ADAM12: variants seen among roughly 807,000 people sequenced by gnomAD.
The protein encoded by ADAM12 is ADAM metallopeptidase domain 12, also known as disintegrin and metalloproteinase domain-containing protein 12.
A neutral mutation model predicts 106.4 loss-of-function variants in ADAM12; 70 were observed. The observed-to-expected ratio is 0.66, with a 90% confidence interval of 0.54 to 0.80. The LOEUF (loss-of-function observed/expected upper bound fraction) is 0.80. ADAM12 is among the 30% of genes least tolerant of loss of function. The pLI is 0.00. For missense variants in ADAM12, 1,010 were observed against 1,171.9 expected, an observed-to-expected ratio of 0.86 and a Z score of 2.02; for synonymous variants, 420 against 433.5, an observed-to-expected ratio of 0.97 and a Z score of 0.39.
intron 3 of ADAM12, among the ~76,000 whole-genome samples, chr10:126,265,154 G>A (rs1251704161): frequency 1.3e-5 from 2 of 152,174 alleles, no homozygotes; most frequent in African/African-American, 2.4e-5. Flanking sequence ...AGGGGGCTGT[G>A]CAGCATATCA....
chr10:126,252,283 A>T (rs1173903107), intron 3 of ADAM12, among the ~76,000 whole-genome samples: 1 of 149,188 alleles, frequency 6.7e-6, no homozygotes, highest in Non-Finnish European at 1.5e-5. Flanking sequence ...AATGGATTAG[A>T]TAGATGGATG....
intron 3 of ADAM12, among the ~76,000 whole-genome samples, chr10:126,267,737 C>T (rs879720028): frequency 9.2e-5 from 14 of 151,424 alleles, no homozygotes; most frequent in Admixed American, 6.6e-5. Context: ...GGGGAGAGCA[C>T]GTCAGAGAAG....
At chr10:126,345,265 G>C (rs1855093699) in intron 1 of ADAM12, among the ~76,000 whole-genome samples, 1 of 152,158 alleles carries the variant, frequency 6.6e-6, no homozygotes, top group Admixed American at 6.5e-5. Flanking sequence ...GGCCTTTTCT[G>C]CATCTATTGA....
chr10:126,134,386 A>G (rs1203063892), intron 5 of ADAM12, among the ~76,000 whole-genome samples: 2 of 152,188 alleles, frequency 1.3e-5, no homozygotes, highest in Non-Finnish European at 2.9e-5. Flanking sequence ...AAAATAAACA[A>G]ATACACACCC....
intron 16 of ADAM12, among the ~76,000 whole-genome samples, chr10:126,047,588 A>G (rs542148372): frequency 6.6e-6 from 1 of 152,318 alleles, no homozygotes; most frequent in African/African-American, 2.4e-5. Context: ...TGTTCAGGCT[A>G]CAGTTTAAAA....
intron 19 of ADAM12, among the ~76,000 whole-genome samples, chr10:126,038,635 G>A (rs1954100465): frequency 6.6e-6 from 1 of 152,172 alleles, no homozygotes. Flanking sequence ...CAGCGATAAT[G>A]TCTTTGAATA....
At chr10:126,152,933 G>T (rs1956754666) in intron 4 of ADAM12, among the ~76,000 whole-genome samples, 1 of 152,028 alleles carries the variant, frequency 6.6e-6, no homozygotes, top group South Asian at 2.1e-4. Context: ...TAGCTCATCT[G>T]GTTTTAAACC....
chr10:126,039,365 C>T lies in ADAM12; in HGVS notation c.2169G>A (p.Val723=), dbSNP rs771056958. 6 of 1,614,046 alleles carry T rather than the reference C, an allele frequency of 3.7e-6. No homozygotes were observed. Among genetic ancestry groups the T allele is most frequent in the South Asian group, 3.3e-5 (3 of 91,070 alleles). ...TILCLLAAGF[V]VYLKRKTLIR... is the part of the protein sequence containing the mutation. ...TCAAGGTCTTCCTTTTGAGATAAACCACAAATCCGGCAGCAAGAAGACACA... is the reference window on the plus strand; with the variant it reads ...TCAAGGTCTTCCTTTTGAGATAAACTACAAATCCGGCAGCAAGAAGACACA... Residue 723 remains valine, a synonymous_variant, in exon 19 of 23, where the codon GTG becomes GTA. Transcript: ENST00000448723.
At position 126,033,987 on chromosome 10, in the gene ADAM12, AAAGTT is replaced by A. The variant is rs1257915277; in HGVS notation, c.2529+2154_2529+2158del. Among the ~76,000 whole-genome samples the A allele has an allele frequency of 3.9e-5, 6 of 152,348 alleles. No individual in the cohort carries two copies. In the South Asian group the frequency reaches 8.3e-4, roughly 21 times the overall value. On this transcript the variant is annotated intron_variant, in intron 21 of 22. Transcript: ENST00000448723. ...GTTTTTCAGACAGAAAATAATAAGC[AAAGTT>A]AAGTTTTAAAGATTATGTTTGGCTG...
chr10:126,036,115 A>G (rs2133398269), intron 21 of ADAM12, 31 bp downstream of exon 21: 1 of 1,364,862 alleles, frequency 7.3e-7, no homozygotes, highest in East Asian at 2.8e-5. Context: ...GATTTGAACT[A>G]CATCCTATCA....
chr10:126,022,292 C>G (rs1034814937), intron 21 of ADAM12, among the ~76,000 whole-genome samples: 1 of 152,170 alleles, frequency 6.6e-6, no homozygotes, highest in Non-Finnish European at 1.5e-5. Flanking sequence ...GATGAAAACC[C>G]AAATGACTGA....
chr10:126,052,090 G>C (rs764724843), intron 14 of ADAM12, among the ~76,000 whole-genome samples: 1 of 152,218 alleles, frequency 6.6e-6, no homozygotes, highest in Non-Finnish European at 1.5e-5. Flanking sequence ...GATCATCTAA[G>C]GGTGAAGCCA....
intron 3 of ADAM12, among the ~76,000 whole-genome samples, chr10:126,209,070 G>GA (rs1207254011): frequency 1.3e-5 from 2 of 152,154 alleles, no homozygotes; most frequent in Non-Finnish European, 2.9e-5. Context: ...AGAGAGCAAT[G>GA]AAAATCAGAA....
At chr10:126,035,994 G>C in intron 21 of ADAM12, 152 bp downstream of exon 21, 1 of 593,020 alleles carries the variant, frequency 1.7e-6, no homozygotes, top group Non-Finnish European at 2.5e-6. Flanking sequence ...ACTGCTTTAT[G>C]TGGATTATCT....
At chr10:126,321,661 G>A (rs540582744) in intron 2 of ADAM12, among the ~76,000 whole-genome samples, 14 of 152,250 alleles carry the variant, frequency 9.2e-5, no homozygotes, top group South Asian at 6.2e-4. Flanking sequence ...GATCTCCCTC[G>A]GAGGCAAGAC....
chr10:126,113,605 A>G (rs1368037943), intron 6 of ADAM12, among the ~76,000 whole-genome samples: 1 of 128,418 alleles, frequency 7.8e-6, no homozygotes, highest in Non-Finnish European at 1.6e-5. Context: ...GGTTGCAGTG[A>G]GCCGAGATGG....
At position 126,047,604 on chromosome 10, in the gene ADAM12, G is replaced by T. The variant is rs189049864; in HGVS notation, c.1918-1472C>A. Among the ~76,000 whole-genome samples the T allele has an allele frequency of 8.5e-5, 13 of 152,212 alleles. No individual in the cohort carries two copies. In the East Asian group the frequency reaches 2.5e-3, roughly 29 times the overall value. On this transcript the variant is annotated intron_variant, in intron 16 of 22. Transcript: ENST00000448723. ...GTTCAGGCTACAGTTTAAAAAAAAG[G>T]TGTCAGTCAGAATGGCTGTTATTAA...
chr10:126,106,448 G>T (rs1488517208), intron 8 of ADAM12, among the ~76,000 whole-genome samples: 13 of 150,674 alleles, frequency 8.6e-5, no homozygotes, highest in Admixed American at 8.6e-4. Context: ...CCTGCCCTGG[G>T]TCAGGTCAGG....
rs1263016780 is a variant in ADAM12, at chr10:126,121,456, AAT to A, written c.417-3234_417-3233del. Among the ~76,000 whole-genome samples, 38 of 133,276 alleles carry A rather than the reference AAT, an allele frequency of 2.9e-4. No individual in the cohort carries two copies. The South Asian group carries it at 2.9e-3, about 10-fold the overall frequency. The allele number at this position is 133,276 out of a possible 152,430, so 87.4% of individuals were successfully genotyped here. The stretch of plus-strand genomic sequence containing the variant: ...ATATATTGCATATTATATAATATGC[AAT>A]ATGTTATATATCAGAAATTATATAA... On this transcript the variant is annotated intron_variant, in intron 5 of 22. Transcript: ENST00000448723.
Sources: gnomAD v4.1 joint callset for allele counts (sites outside exome capture counted in the v4.1 genomes callset) on GRCh38, gnomAD v4.1.1 for gene constraint, MANE v1.5 for transcripts, NCBI Gene and HGNC (gene_info 2026-07-23, HGNC 2026-07-21) for gene names.